The following DTNB variants were observed in gnomAD, a reference collection of about 807,000 sequenced individuals.
The protein encoded by DTNB is DTN-B.
Under a neutral mutation model 90.7 loss-of-function variants are expected in DTNB, and 63 were observed. The ratio of observed to expected loss-of-function variants is 0.69; its 90% CI spans 0.57 to 0.86. The LOEUF (loss-of-function observed/expected upper bound fraction) is 0.86, where lower values mean the gene tolerates loss of function less well. Ranked by LOEUF, DTNB falls within the 40% of genes least tolerant of loss-of-function variation. The probability of loss-of-function intolerance (pLI) is 0.00; values close to 1 mark genes in which losing one functional copy is unlikely to be tolerated. For synonymous variants in DTNB, 277 were observed against 286.7 expected, an observed-to-expected ratio of 0.97 and a Z score of 0.34; for missense variants, 744 against 807.1, an observed-to-expected ratio of 0.92 and a Z score of 0.95.
At chr2:25,475,983 G>A (rs1289173174) in intron 10 of DTNB, among the ~76,000 whole-genome samples, 1 of 151,984 alleles carries the variant, frequency 6.6e-6, no homozygotes, top group Non-Finnish European at 1.5e-5. Flanking sequence ...TAAGAGCTCT[G>A]AAGAAGATGT....
intron 6 of DTNB, among the ~76,000 whole-genome samples, chr2:25,583,268 T>A (rs200016827): frequency 0.017 from 2,519 of 144,296 alleles, 88 homozygotes; most frequent in African/African-American, 0.06. Context: ...AAAAAATATA[T>A]ATATATATAT....
chr2:25,383,921 C>A, intron 18 of DTNB, 32 bp from the exon 19 acceptor site: 1 of 1,614,000 alleles, frequency 6.2e-7, no homozygotes, highest in Non-Finnish European at 8.5e-7. Flanking sequence ...GGCCAGTGAC[C>A]CTTCGGCACA....
chr2:25,481,411 T>TAAAAAAAAA (rs5829978), intron 10 of DTNB, among the ~76,000 whole-genome samples: 1 of 141,768 alleles, frequency 7.1e-6, no homozygotes. Context: ...TCTCCAAATT[T>TAAAAAAAAA]AAAAAAAAAA....
At chr2:25,399,833 T>C (rs2043287050) in intron 16 of DTNB, among the ~76,000 whole-genome samples, 2 of 63,402 alleles carry the variant, frequency 3.2e-5, no homozygotes, top group African/African-American at 2.8e-4. Context: ...GGATAAAAAC[T>C]GTATTTTTCA....
At chr2:25,529,956 C>T (rs979435839) in intron 9 of DTNB, among the ~76,000 whole-genome samples, 9 of 152,034 alleles carry the variant, frequency 5.9e-5, no homozygotes, top group Admixed American at 3.3e-4. Flanking sequence ...ACAGAAGGTG[C>T]TAATTTTCTG....
At chr2:25,650,347 G>T in intron 2 of DTNB, 2 of 566,500 alleles carry the variant, frequency 3.5e-6, no homozygotes, top group Non-Finnish European at 4.5e-6. Context: ...CTGGAGCATA[G>T]CAGATCCTCA....
rs1185894796 is a variant in DTNB at position 25,525,411 on chromosome 2, T to C, written c.1001+6062A>G. 3.9e-5 allele frequency among the ~76,000 whole-genome samples: 6 copies of C among 152,102 alleles called. No individual in the cohort carries two copies. The East Asian group carries it at 9.7e-4, about 24-fold the overall frequency. Reference sequence around the variant, plus strand: ...TGTAATCCTAGGAGGCTGAGGCAGGTGGATCACCTGAGGTCAGAAGTTCAA... The same window carrying C: ...TGTAATCCTAGGAGGCTGAGGCAGGCGGATCACCTGAGGTCAGAAGTTCAA... On this transcript the variant is annotated intron_variant, in intron 9 of 20. Coordinates refer to ENST00000406818, the MANE Select transcript of DTNB (RefSeq NM_021907.5).
At chr2:25,544,462 T>G (rs1484229222) in intron 8 of DTNB, among the ~76,000 whole-genome samples, 1 of 152,192 alleles carries the variant, frequency 6.6e-6, no homozygotes, top group South Asian at 2.1e-4. Context: ...AAGCTCAGGA[T>G]TGGTGACTTT....
intron 16 of DTNB, among the ~76,000 whole-genome samples, chr2:25,399,854 T>C (rs1236086818): frequency 6.6e-6 from 1 of 152,176 alleles, no homozygotes; most frequent in Non-Finnish European, 1.5e-5. Context: ...GATATAAAAT[T>C]CTGTGACCTA....
At chr2:25,542,543 C>G (rs980051368) in intron 8 of DTNB, among the ~76,000 whole-genome samples, 2 of 152,092 alleles carry the variant, frequency 1.3e-5, no homozygotes, top group African/African-American at 4.8e-5. Context: ...AAAAATGAAA[C>G]TGGGCATGCT....
chr2:25,645,070 T>A (rs1361837380), intron 2 of DTNB, among the ~76,000 whole-genome samples: 2 of 152,114 alleles, frequency 1.3e-5, no homozygotes, highest in Non-Finnish European at 2.9e-5. Flanking sequence ...AAAATAAGAA[T>A]AATAGCAAGC....
intron 3 of DTNB, among the ~76,000 whole-genome samples, chr2:25,634,177 C>A (rs2076523691): frequency 6.7e-6 from 1 of 149,462 alleles, no homozygotes; most frequent in South Asian, 2.1e-4. Context: ...GCCCGGCCGC[C>A]CCTACTGGGA....
At chr2:25,570,769 C>A (rs985075867) in intron 8 of DTNB, among the ~76,000 whole-genome samples, 1 of 152,150 alleles carries the variant, frequency 6.6e-6, no homozygotes, top group African/African-American at 2.4e-5. Flanking sequence ...TGAAGAGCTT[C>A]AAGGGTCAGT....
At chr2:25,426,182 T>C (rs1574253079) in intron 15 of DTNB, among the ~76,000 whole-genome samples, 1 of 152,352 alleles carries the variant, frequency 6.6e-6, no homozygotes, top group South Asian at 2.1e-4. Context: ...GTGTCAACTT[T>C]ACCAGATTAA....
chr2:25,610,757 TG>T (rs1357591018), intron 4 of DTNB, among the ~76,000 whole-genome samples: 1 of 151,892 alleles, frequency 6.6e-6, no homozygotes, highest in East Asian at 1.9e-4. Context: ...TTGCCCAGGC[TG>T]GAGTGCAGTG....
intron 13 of DTNB, among the ~76,000 whole-genome samples, chr2:25,433,430 CT>C (rs1294632631): frequency 1.3e-5 from 2 of 152,196 alleles, no homozygotes; most frequent in African/African-American, 4.8e-5. Context: ...CTATCTATGC[CT>C]GTTACCTTAG....
intron 10 of DTNB, among the ~76,000 whole-genome samples, chr2:25,456,737 T>C (rs1436575982): frequency 1.3e-5 from 2 of 151,990 alleles, no homozygotes; most frequent in African/African-American, 2.4e-5. Flanking sequence ...CAGCTAATTT[T>C]TGTATTTTTA....
chr2:25,393,359 A>G (rs1191037212), intron 16 of DTNB, among the ~76,000 whole-genome samples: 3 of 152,210 alleles, frequency 2.0e-5, no homozygotes, highest in Admixed American at 6.5e-5. Flanking sequence ...TCTATTCAAC[A>G]TAGTACTGGA....
Position 25,531,590 on chromosome 2 carries a change from G to A in DTNB, c.884C>T (p.Pro295Leu). ...QMKEHSSWKS[P>L]AKKLSHAISK... The stretch of plus-strand genomic sequence containing the variant: ...AATTGCATGGCTCAGCTTCTTTGCA[G>A]GAGATTTCTGTGTCAAAGCAGAAAA... Residue 295 changes from proline to leucine, a missense_variant, in exon 9 of 21, where the codon CCT becomes CTT. Transcript: ENST00000406818. The A allele has an allele frequency of 6.2e-7, 1 of 1,613,408 alleles. No homozygotes were observed. Among genetic ancestry groups the A allele is most frequent in the Non-Finnish European group, 8.5e-7 (1 of 1,179,750 alleles).
Sources: allele counts gnomAD v4.1 joint callset (sites outside exome capture counted in the v4.1 genomes callset), GRCh38; gene constraint gnomAD v4.1.1; transcripts MANE v1.5; gene names NCBI Gene and HGNC (gene_info 2026-07-23, HGNC 2026-07-21).